FEM1A: variants seen among roughly 807,000 people sequenced by gnomAD.
FEM1A encodes protein fem-1 homolog A.
FEM1A carries 1 observed loss-of-function variant against 0.7 expected under a neutral mutation model. The observed-to-expected ratio is 1.35, with a 90% confidence interval of 0.48 to 6.40. The LOEUF (loss-of-function observed/expected upper bound fraction) is 6.40. Among genes scored for constraint, FEM1A ranks in the 30% most tolerant of loss-of-function variants. The pLI is 0.14. For synonymous variants in FEM1A, 391 were observed against 420.6 expected (o/e 0.93, Z 0.86); for missense variants, 721 against 918.7 (o/e 0.78, Z 2.78).
chr19:4,792,817 C>T lies in FEM1A; in HGVS notation c.963C>T (p.His321=). ...GAGATCTGCTTGGGGCCCTTAAACA[C>T]TGGAGGCGGGCCATGGAGCTGCGTC... ...KKRDLLGALK[H]WRRAMELRHQ... The change falls in exon 1 of 1, where the codon CAC becomes CAT. Residue 321 remains histidine, a synonymous_variant. Coordinates refer to ENST00000269856, the MANE Select transcript of FEM1A (RefSeq NM_018708.3). The surrounding 1 kb of genome is among the most constrained non-coding windows in gnomAD (Gnocchi z 6.7). The T allele has an allele frequency of 1.9e-6, 3 of 1,612,226 alleles. No individual in the cohort carries two copies. The highest frequency in any genetic ancestry group is 1.3e-5 in the African/African-American group (1 of 74,970).
Position 4,793,752 on chromosome 19 carries a change from C to T in FEM1A, c.1898C>T (p.Pro633Leu). The change falls in exon 1 of 1, where the codon CCC (proline) becomes CTC (leucine). Residue 633 changes from proline to leucine, a missense_variant. Transcript: ENST00000269856. This position sits in a 1 kb window ranked among gnomAD's most constrained non-coding sequence, Gnocchi z 5.1. The part of the protein sequence containing the change: ...EKLLARGTMQ[P>L]FNYVTLQCLA... Reference sequence around the variant, plus strand: ...CTGCTGGCCAGGGGTACCATGCAGCCCTTCAACTACGTGACCCTGCAGTGC... The same window carrying T: ...CTGCTGGCCAGGGGTACCATGCAGCTCTTCAACTACGTGACCCTGCAGTGC... 1 of 1,612,402 alleles carries T rather than the reference C, an allele frequency of 6.2e-7. No individual in the cohort carries two copies. Among genetic ancestry groups the T allele is most frequent in the Non-Finnish European group, 8.5e-7 (1 of 1,179,768 alleles).
Position 4,800,975 on chromosome 19 carries a change from G to A in FEM1A, c.*7111G>A, listed in dbSNP as rs1016397073. The A allele has an allele frequency of 6.6e-6, 1 of 152,260 alleles. No individual in the cohort carries two copies. The highest frequency in any genetic ancestry group is 2.1e-4 in the South Asian group (1 of 4,816). The allele number at this position is 152,260 out of a possible 1,614,324, so 9.4% of individuals were successfully genotyped here. A position where few individuals can be genotyped will look rare whatever the true frequency, so the allele number is the denominator to read the frequency against. On this transcript the variant is annotated 3_prime_UTR_variant, in exon 1 of 1. Coordinates refer to ENST00000269856, the MANE Select transcript of FEM1A (RefSeq NM_018708.3). ...ACATGTATTAGGCAAGACCCGGGCC[G>A]AATGTGGGTGGCACCGCCCCTGTGC...
Position 4,791,743 on chromosome 19 carries a change from C to G in FEM1A, c.-112C>G. 1 of 1,176,442 alleles carries G rather than the reference C, an allele frequency of 8.5e-7. No homozygotes were observed. The highest frequency in any genetic ancestry group is 1.1e-6 in the Non-Finnish European group (1 of 881,090). 72.9% of individuals were successfully genotyped at this position (1,176,442 alleles called of 1,614,324 possible). On this transcript the variant is annotated 5_prime_UTR_variant, in exon 1 of 1. Transcript: ENST00000269856. ...CCATTTTGTTCCGCCCGAGGAGACC[C>G]TAAGATGGCGGCGAGGGGGACGGTG...
chr19:4,798,164 C>G lies in FEM1A; in HGVS notation c.*4300C>G, dbSNP rs1293819228. 3 of 150,468 alleles carry G rather than the reference C, an allele frequency of 2.0e-5. No individual in the cohort carries two copies. Among genetic ancestry groups the G allele is most frequent in the Non-Finnish European group, 4.4e-5 (3 of 67,664 alleles). 9.3% of individuals were successfully genotyped at this position (150,468 alleles called of 1,614,324 possible). A position where few individuals can be genotyped will look rare whatever the true frequency, so the allele number is the denominator to read the frequency against. On this transcript the variant is annotated 3_prime_UTR_variant, in exon 1 of 1. Transcript: ENST00000269856. Reference sequence around the variant, plus strand: ...AGGAGAATGGCGTGAACCCGGGAGGCGGAGCTTGCAGTGAGCCGAGATCGC... The same window carrying G: ...AGGAGAATGGCGTGAACCCGGGAGGGGGAGCTTGCAGTGAGCCGAGATCGC...
Position 4,793,924 on chromosome 19 carries a change from G to A in FEM1A, c.*60G>A. On this transcript the variant is annotated 3_prime_UTR_variant, in exon 1 of 1. Coordinates refer to ENST00000269856, the MANE Select transcript of FEM1A (RefSeq NM_018708.3). The surrounding 1 kb of genome is among the most constrained non-coding windows in gnomAD (Gnocchi z 5.1). ...TCTCCTGCTGAGATGGGGGAAATCC[G>A]GCTGCGGCATAGCAGATGCTCGTTC... 1 of 1,511,730 alleles carries A rather than the reference G, an allele frequency of 6.6e-7. No homozygotes were observed. The highest frequency in any genetic ancestry group is 8.9e-7 in the Non-Finnish European group (1 of 1,119,038). The allele number at this position is 1,511,730 out of a possible 1,614,324, so 93.6% of individuals were successfully genotyped here.
At position 4,795,101 on chromosome 19, in the gene FEM1A, G is replaced by A. The variant is rs1479129337; in HGVS notation, c.*1237G>A. The A allele has an allele frequency of 2.4e-5, 4 of 167,088 alleles. No individual in the cohort carries two copies. Among genetic ancestry groups the A allele is most frequent in the Non-Finnish European group, 5.9e-5 (4 of 68,150 alleles). The allele number at this position is 167,088 out of a possible 1,614,324, so 10.4% of individuals were successfully genotyped here. ...GAGTGCCAAGACCAGCCTTCCAGCC[G>A]AGGTTTGGACAAAGTCTCAGGTTCC... On this transcript the variant is annotated 3_prime_UTR_variant, in exon 1 of 1. Coordinates refer to ENST00000269856, the MANE Select transcript of FEM1A (RefSeq NM_018708.3).
rs35879808 is a variant in FEM1A at position 4,798,284 on chromosome 19, G to A, written c.*4420G>A. 0.24 allele frequency: 36,196 copies of A among 151,486 alleles called. 4,497 individuals are homozygous for A. Among genetic ancestry groups the A allele is most frequent in the Middle Eastern group, 0.26 (78 of 296 alleles). 9.4% of individuals were successfully genotyped at this position (151,486 alleles called of 1,614,324 possible). On this transcript the variant is annotated 3_prime_UTR_variant, in exon 1 of 1. Coordinates refer to ENST00000269856, the MANE Select transcript of FEM1A (RefSeq NM_018708.3). ...ACAAAGCAGGTCCGGTATGGCAGGC[G>A]GGGGAACTGAGGCTACTAAGAGACA...
rs2146149215 is a variant in FEM1A, at chr19:4,793,045, T to C, written c.1191T>C (p.Gly397=). 6.2e-7 allele frequency: 1 copy of C among 1,613,242 alleles called. No individual in the cohort carries two copies. Among genetic ancestry groups the C allele is most frequent in the South Asian group, 1.1e-5 (1 of 91,038 alleles). ...PDTSYYIRYR[G]AVYADSGNFE... is the part of the protein sequence containing the mutation. ...CTTCCTATTACATCCGTTACAGGGG[T>C]GCCGTGTACGCCGACTCGGGCAATT... Residue 397 remains glycine, a synonymous_variant, in exon 1 of 1, where the codon GGT becomes GGC. Coordinates refer to ENST00000269856, the MANE Select transcript of FEM1A (RefSeq NM_018708.3). This position sits in a 1 kb window ranked among gnomAD's most constrained non-coding sequence, Gnocchi z 5.1.
In FEM1A at chr19:4,800,347, G is replaced by C. The variant is rs1162552799; in HGVS notation, c.*6483G>C. ...TCAAAGCTTAACCCCCTGCTGGAAG[G>C]TGTCGAGAGCCAGGCAGCCAAGCCT... On this transcript the variant is annotated 3_prime_UTR_variant, in exon 1 of 1. Transcript: ENST00000269856. 4 of 152,266 alleles carry C rather than the reference G, an allele frequency of 2.6e-5. No individual in the cohort carries two copies. Among genetic ancestry groups the C allele is most frequent in the African/African-American group, 9.6e-5 (4 of 41,460 alleles). 9.4% of individuals were successfully genotyped at this position (152,266 alleles called of 1,614,324 possible).
At position 4,793,522 on chromosome 19, in the gene FEM1A, C is replaced by G. The variant is rs1164196905; in HGVS notation, c.1668C>G (p.Gly556=). 1 of 1,612,982 alleles carries G rather than the reference C, an allele frequency of 6.2e-7. No homozygotes were observed. The highest frequency in any genetic ancestry group is 8.5e-7 in the Non-Finnish European group (1 of 1,179,882). ...CAAACGTGGGCCGCTATCCCGTGGG[C>G]AGATTCCCCTCCCTGCACGTGGTCA... ...DTTNVGRYPV[G]RFPSLHVVKV... The change falls in exon 1 of 1, where the codon GGC becomes GGG. Residue 556 remains glycine, a synonymous_variant. Coordinates refer to ENST00000269856, the MANE Select transcript of FEM1A (RefSeq NM_018708.3). The surrounding 1 kb of genome is among the most constrained non-coding windows in gnomAD (Gnocchi z 5.1).
chr19:4,798,713 C>G lies in FEM1A; in HGVS notation c.*4849C>G, dbSNP rs2093564626. 1 of 152,082 alleles carries G rather than the reference C, an allele frequency of 6.6e-6. No homozygotes were observed. The highest frequency in any genetic ancestry group is 1.5e-5 in the Non-Finnish European group (1 of 68,040). 9.4% of individuals were successfully genotyped at this position (152,082 alleles called of 1,614,324 possible). A position where few individuals can be genotyped will look rare whatever the true frequency, so the allele number is the denominator to read the frequency against. On this transcript the variant is annotated 3_prime_UTR_variant, in exon 1 of 1. Transcript: ENST00000269856. ...TCAGAGTTCATACCTTGTGCTGATT[C>G]TCCATCCGGGACGCCAGACACATGG...
At position 4,796,009 on chromosome 19, in the gene FEM1A, C is replaced by T. The variant is rs1473437803; in HGVS notation, c.*2145C>T. The T allele has an allele frequency of 6.6e-6, 1 of 152,008 alleles. No homozygotes were observed. Among genetic ancestry groups the T allele is most frequent in the African/African-American group, 2.4e-5 (1 of 41,396 alleles). 9.4% of individuals were successfully genotyped at this position (152,008 alleles called of 1,614,324 possible). On this transcript the variant is annotated 3_prime_UTR_variant, in exon 1 of 1. Coordinates refer to ENST00000269856, the MANE Select transcript of FEM1A (RefSeq NM_018708.3). ...CTGCACCTGGCCTCTATGTTACATACTGGGGCTTTGTGTAAAATTTCATTT... is the reference window on the plus strand; with the variant it reads ...CTGCACCTGGCCTCTATGTTACATATTGGGGCTTTGTGTAAAATTTCATTT...
In FEM1A at chr19:4,799,904, C is replaced by CAAGAAAAAAAAAAAAA. The variant is rs2093566283; in HGVS notation, c.*6042_*6043insGAAAAAAAAAAAAAAA. 1 of 25,072 alleles carries CAAGAAAAAAAAAAAAA rather than the reference C, an allele frequency of 4.0e-5. No individual in the cohort carries two copies. Among genetic ancestry groups the CAAGAAAAAAAAAAAAA allele is most frequent in the Non-Finnish European group, 9.3e-5 (1 of 10,758 alleles). 1.6% of individuals were successfully genotyped at this position (25,072 alleles called of 1,614,324 possible). A position where few individuals can be genotyped will look rare whatever the true frequency, so the allele number is the denominator to read the frequency against. On this transcript the variant is annotated 3_prime_UTR_variant, in exon 1 of 1. Coordinates refer to ENST00000269856, the MANE Select transcript of FEM1A (RefSeq NM_018708.3). The stretch of plus-strand genomic sequence containing the variant: ...TGGGTGACATAGCAAGACTCTGTCT[C>CAAGAAAAAAAAAAAAA]AAAAAAAAAAAAAAAAAAAAAAAAA...
At position 4,800,991 on chromosome 19, in the gene FEM1A, G is replaced by T. The variant is rs974198421; in HGVS notation, c.*7127G>T. On this transcript the variant is annotated 3_prime_UTR_variant, in exon 1 of 1. Coordinates refer to ENST00000269856, the MANE Select transcript of FEM1A (RefSeq NM_018708.3). ...ACCCGGGCCGAATGTGGGTGGCACC[G>T]CCCCTGTGCTGGGCCAGGAGAATGT... 1.3e-5 allele frequency: 2 copies of T among 152,110 alleles called. No homozygotes were observed. The highest frequency in any genetic ancestry group is 2.9e-5 in the Non-Finnish European group (2 of 68,038). The allele number at this position is 152,110 out of a possible 1,614,324, so 9.4% of individuals were successfully genotyped here. A position where few individuals can be genotyped will look rare whatever the true frequency, so the allele number is the denominator to read the frequency against.
Position 4,791,994 on chromosome 19 carries a change from T to G in FEM1A, c.140T>G (p.Ile47Ser). The change falls in exon 1 of 1, where the codon ATC becomes AGC. Residue 47 changes from isoleucine to serine, a missense_variant. Physicochemically the swap from Ile to Ser is moderately radical, Grantham distance 142. Around this residue, in one of 4 missense-constraint regions of FEM1A, gnomAD observed 195 missense variants for 316.9 expected, o/e 0.62. Coordinates refer to ENST00000269856, the MANE Select transcript of FEM1A (RefSeq NM_018708.3). Reference protein sequence around the residue: ...EVAGGGTPLLIAARYGHLDVV... With the variant: ...EVAGGGTPLLSAARYGHLDVV... Reference sequence around the variant, plus strand: ...GCCGGCGGGGGAACGCCGCTACTCATCGCCGCCCGCTACGGCCACCTGGAC... The same window carrying G: ...GCCGGCGGGGGAACGCCGCTACTCAGCGCCGCCCGCTACGGCCACCTGGAC... 1 of 1,534,164 alleles carries G rather than the reference T, an allele frequency of 6.5e-7. No homozygotes were observed.
rs2093564686 is a variant in FEM1A at position 4,798,745 on chromosome 19, T to C, written c.*4881T>C. ...CGGGACGCCAGACACATGGATCCCT[T>C]TCCCCTGCTTTCTGGTGTTGTTTTG... is the stretch of plus-strand genomic sequence containing the variant. On this transcript the variant is annotated 3_prime_UTR_variant, in exon 1 of 1. Transcript: ENST00000269856. The C allele has an allele frequency of 6.6e-6, 1 of 152,198 alleles. No homozygotes were observed. The highest frequency in any genetic ancestry group is 2.1e-4 in the South Asian group (1 of 4,830). The allele number at this position is 152,198 out of a possible 1,614,324, so 9.4% of individuals were successfully genotyped here. A position where few individuals can be genotyped will look rare whatever the true frequency, so the allele number is the denominator to read the frequency against.
Position 4,795,405 on chromosome 19 carries a change from A to C in FEM1A, c.*1541A>C, listed in dbSNP as rs1600036906. The C allele has an allele frequency of 1.3e-5, 2 of 157,520 alleles. 1 individual carries two copies. Among genetic ancestry groups the C allele is most frequent in the South Asian group, 4.4e-4 (2 of 4,570 alleles). The allele number at this position is 157,520 out of a possible 1,614,324, so 9.8% of individuals were successfully genotyped here. A position where few individuals can be genotyped will look rare whatever the true frequency, so the allele number is the denominator to read the frequency against. On this transcript the variant is annotated 3_prime_UTR_variant, in exon 1 of 1. Coordinates refer to ENST00000269856, the MANE Select transcript of FEM1A (RefSeq NM_018708.3). ...TTTTTTTTTTTTTTGCCGTGTTAGG[A>C]AATTATTTATTAATTTACAAGACAG...
rs773456649 is a variant in FEM1A, at chr19:4,792,378, A to C, written c.524A>C (p.Gln175Pro). Residue 175 changes from glutamine to proline, a missense_variant, in exon 1 of 1, where the codon CAG (glutamine) becomes CCG (proline). Physicochemically the swap from Gln to Pro is moderately conservative, Grantham distance 76. Coordinates refer to ENST00000269856, the MANE Select transcript of FEM1A (RefSeq NM_018708.3). This position sits in a 1 kb window ranked among gnomAD's most constrained non-coding sequence, Gnocchi z 6.7. ...IARYLLEQGA[Q>P]VNRRSAKGNT... The stretch of plus-strand genomic sequence containing the variant: ...CGCTACCTGCTGGAGCAGGGCGCCC[A>C]GGTGAACCGGCGCAGCGCCAAGGGC... 5 of 1,595,150 alleles carry C rather than the reference A, an allele frequency of 3.1e-6. No individual in the cohort carries two copies. The highest frequency in any genetic ancestry group is 3.4e-6 in the Non-Finnish European group (4 of 1,179,186).
In FEM1A at chr19:4,800,358, C is replaced by G. The variant is rs1016681646; in HGVS notation, c.*6494C>G. 6.6e-6 allele frequency: 1 copy of G among 152,294 alleles called. No homozygotes were observed. Among genetic ancestry groups the G allele is most frequent in the African/African-American group, 2.4e-5 (1 of 41,458 alleles). 9.4% of individuals were successfully genotyped at this position (152,294 alleles called of 1,614,324 possible). ...CCCCCTGCTGGAAGGTGTCGAGAGC[C>G]AGGCAGCCAAGCCTGACCTGGGAGA... On this transcript the variant is annotated 3_prime_UTR_variant, in exon 1 of 1. Transcript: ENST00000269856.
Sources: gnomAD v4.1 joint callset for allele counts on GRCh38, gnomAD v4.1.1 for gene constraint, gnomAD v4.1.1 regional missense constraint, Gnocchi (gnomAD v3.1) non-coding constraint, MANE v1.5 for transcripts, NCBI Gene and HGNC (gene_info 2026-07-23, HGNC 2026-07-21) for gene names.